HMGN3: variants seen among roughly 807,000 people sequenced by gnomAD.
HMGN3 encodes the protein high mobility group nucleosome-binding domain-containing protein 3.
HMGN3 carries 6 observed loss-of-function variants against 18.8 expected under a neutral mutation model. That is an observed-to-expected ratio of 0.32 (90% CI 0.18 to 0.63). HMGN3 has a LOEUF of 0.63. Among genes scored for constraint, HMGN3 ranks in the 30% least tolerant of loss-of-function variants. The pLI is 0.79. For missense variants in HMGN3, 107 were observed against 114.2 expected, an observed-to-expected ratio of 0.94 and a Z score of 0.29; for synonymous variants, 40 against 36.5, an observed-to-expected ratio of 1.10 and a Z score of -0.35.
At chr6:79,210,782 A>G (rs576493222) in intron 2 of HMGN3, among the ~76,000 whole-genome samples, 1 of 152,140 alleles carries the variant, frequency 6.6e-6, no homozygotes, top group Non-Finnish European at 1.5e-5. Flanking sequence ...AGGCAAAATC[A>G]TGTGAAAAGT....
intron 3 of HMGN3, 86 bp downstream of exon 3, chr6:79,208,461 G>T: frequency 8.7e-7 from 1 of 1,144,466 alleles, no homozygotes; most frequent in Non-Finnish European, 1.3e-6. Context: ...GGGAAACCAT[G>T]TTAATCTTCC....
chr6:79,213,623 T>G (rs760880710), intron 2 of HMGN3, among the ~76,000 whole-genome samples: 41 of 152,232 alleles, frequency 2.7e-4, no homozygotes, highest in Non-Finnish European at 5.0e-4. Context: ...GATAACAAAC[T>G]TCATGATTAT....
intron 1 of HMGN3, among the ~76,000 whole-genome samples, chr6:79,226,544 A>G (rs552614938): frequency 6.6e-6 from 1 of 152,192 alleles, no homozygotes; most frequent in Non-Finnish European, 1.5e-5. Flanking sequence ...CTTCTCTCGC[A>G]TTTATTTCTA....
chr6:79,205,491 C>T (rs534791734), intron 3 of HMGN3, among the ~76,000 whole-genome samples: 1 of 152,336 alleles, frequency 6.6e-6, no homozygotes, highest in South Asian at 2.1e-4. Flanking sequence ...CCACCATCCA[C>T]GTAAGACATA....
Position 79,201,866 on chromosome 6 carries a change from ACT to A in HMGN3, c.262-142_262-141del, listed in dbSNP as rs1776154584. 4 of 1,455,896 alleles carry A rather than the reference ACT, an allele frequency of 2.7e-6. No homozygotes were observed. The South Asian group carries it at 4.4e-5, about 16-fold the overall frequency. The allele number at this position is 1,455,896 out of a possible 1,614,324, so 90.2% of individuals were successfully genotyped here. On this transcript the variant is annotated intron_variant, in intron 5 of 5. Coordinates refer to ENST00000344726, the Ensembl canonical transcript of HMGN3. The stretch of plus-strand genomic sequence containing the variant: ...CAGCTTTACTGCAAAACCTATTTCA[ACT>A]CTGAGTGAAGAAGACAAGGCAGGAA...
chr6:79,223,739 C>CTTT (rs11461795), intron 1 of HMGN3, among the ~76,000 whole-genome samples: 28 of 147,530 alleles, frequency 1.9e-4, no homozygotes, highest in African/African-American at 3.3e-4. Context: ...CTAGAGTTAC[C>CTTT]TTTTTTTTTT....
intron 2 of HMGN3, among the ~76,000 whole-genome samples, chr6:79,214,617 C>T (rs1776879199): frequency 6.6e-6 from 1 of 152,214 alleles, no homozygotes; most frequent in Non-Finnish European, 1.5e-5. Flanking sequence ...CTTTCATTTT[C>T]TTGCTGTGAA....
intron 1 of HMGN3, among the ~76,000 whole-genome samples, chr6:79,225,217 TAAGA>T (rs1777509899): frequency 6.6e-6 from 1 of 152,080 alleles, no homozygotes; most frequent in South Asian, 2.1e-4. Context: ...AGTTTCCACC[TAAGA>T]AAGAGACAAA....
intron 3 of HMGN3, among the ~76,000 whole-genome samples, chr6:79,206,632 A>T (rs66809524): frequency 6.6e-6 from 1 of 152,246 alleles, no homozygotes; most frequent in Non-Finnish European, 1.5e-5. Flanking sequence ...CTGCTAGGGC[A>T]GTGCAGAAGG....
chr6:79,232,840 C>T (rs914430363), intron 1 of HMGN3, among the ~76,000 whole-genome samples: 8 of 152,120 alleles, frequency 5.3e-5, no homozygotes, highest in African/African-American at 1.9e-4. Context: ...TGATTAGTTC[C>T]TTTGTCTCTA....
intron 3 of HMGN3, among the ~76,000 whole-genome samples, chr6:79,206,564 A>T (rs571934228): frequency 6.6e-6 from 1 of 152,338 alleles, no homozygotes; most frequent in Admixed American, 6.5e-5. Context: ...AGACGTATGG[A>T]AACAACTGGA....
intron 4 of HMGN3, among the ~76,000 whole-genome samples, chr6:79,202,983 G>C (rs868174771): frequency 6.6e-6 from 1 of 152,088 alleles, no homozygotes; most frequent in East Asian, 1.9e-4. Context: ...CAATACCAAA[G>C]GGCAGAGTGC....
chr6:79,226,906 C>T (rs1002420412), intron 1 of HMGN3, among the ~76,000 whole-genome samples: 3 of 152,126 alleles, frequency 2.0e-5, no homozygotes, highest in Non-Finnish European at 4.4e-5. Context: ...GACCAAGAAC[C>T]CCTACGTGAT....
At chr6:79,206,378 G>GGAC (rs1302516130) in intron 3 of HMGN3, among the ~76,000 whole-genome samples, 1 of 152,116 alleles carries the variant, frequency 6.6e-6, no homozygotes, top group Non-Finnish European at 1.5e-5. Flanking sequence ...TGCAGTCTAG[G>GGAC]GACTTGGTGC....
intron 1 of HMGN3, among the ~76,000 whole-genome samples, chr6:79,228,738 T>A (rs1777684251): frequency 6.6e-6 from 1 of 152,210 alleles, no homozygotes. Context: ...GCGTAGTTTT[T>A]AAATTTTTTG....
At chr6:79,201,798 A>G (rs900486895) in intron 5 of HMGN3, 72 bp from the exon 7 acceptor site, 2 of 1,562,062 alleles carry the variant, frequency 1.3e-6, no homozygotes, top group African/African-American at 1.4e-5. Context: ...AATTCCACCC[A>G]CCAACACACA....
At chr6:79,202,378 T>C in exon 5 of HMGN3, 1 of 1,613,652 alleles carries the variant, frequency 6.2e-7, no homozygotes, top group Non-Finnish European at 8.5e-7. Context: ...TAATCTTTGC[T>C]CCAGGTTCTT....
intron 1 of HMGN3, among the ~76,000 whole-genome samples, chr6:79,230,659 T>C (rs1041799580): frequency 6.6e-6 from 1 of 152,252 alleles, no homozygotes; most frequent in African/African-American, 2.4e-5. Context: ...CCTATAAAGA[T>C]ATACATCTTT....
intron 2 of HMGN3, 35 bp from the exon 3 acceptor site, chr6:79,208,611 G>A (rs1347039966): frequency 6.5e-7 from 1 of 1,534,282 alleles, no homozygotes; most frequent in South Asian, 1.1e-5. Flanking sequence ...CATATTTTTT[G>A]GTGATTATAT....
Sources: allele counts gnomAD v4.1 joint callset (sites outside exome capture counted in the v4.1 genomes callset), GRCh38; gene constraint gnomAD v4.1.1; transcripts MANE v1.5; gene names NCBI Gene and HGNC (gene_info 2026-07-23, HGNC 2026-07-21).